The following TRPS1 variants were observed in gnomAD, a reference collection of about 807,000 sequenced individuals.
TRPS1 encodes zinc finger transcription factor Trps1.
Under a neutral mutation model 101.2 loss-of-function variants are expected in TRPS1, and 6 were observed. The observed-to-expected ratio is 0.06, with a 90% confidence interval of 0.03 to 0.12. The LOEUF (loss-of-function observed/expected upper bound fraction) is 0.12. TRPS1 is among the 10% of genes least tolerant of loss of function. TRPS1 has a pLI of 1.00. For missense variants in TRPS1, 1,363 were observed against 1,567.0 expected (o/e 0.87, Z 2.20); for synonymous variants, 578 against 589.8 (o/e 0.98, Z 0.29).
chr8:115,424,405 G>A (rs965845072), intron 5 of TRPS1, among the ~76,000 whole-genome samples: 18 of 152,190 alleles, frequency 1.2e-4, no homozygotes, highest in Admixed American at 2.0e-4. Context: ...ATTAAGTTCT[G>A]GGAGTAATTA....
chr8:115,544,150 G>T (rs1008220837), intron 5 of TRPS1, among the ~76,000 whole-genome samples: 5 of 149,682 alleles, frequency 3.3e-5, no homozygotes, highest in Non-Finnish European at 7.4e-5. Context: ...GGAAGCAGAA[G>T]AAACAAGCGG....
At chr8:115,627,563 G>A (rs1382295221) in intron 1 of TRPS1, among the ~76,000 whole-genome samples, 1 of 151,744 alleles carries the variant, frequency 6.6e-6, no homozygotes, top group Admixed American at 6.6e-5. Flanking sequence ...GATGTGAATT[G>A]ACATTTTATT....
At chr8:115,470,053 A>G (rs1814428373) in intron 5 of TRPS1, among the ~76,000 whole-genome samples, 2 of 152,168 alleles carry the variant, frequency 1.3e-5, no homozygotes, top group Admixed American at 1.3e-4. Flanking sequence ...GTTTTAAAGG[A>G]CAATGTCTTT....
chr8:115,434,113 C>CT (rs5894262), intron 5 of TRPS1, among the ~76,000 whole-genome samples: 152,265 of 152,266 alleles, frequency 1, 76,132 homozygotes, highest in Middle Eastern at 1. Flanking sequence ...TCCATTCAGA[C>CT]TACCTTGGTG....
At chr8:115,444,446 T>C (rs746961056) in intron 5 of TRPS1, among the ~76,000 whole-genome samples, 2 of 152,268 alleles carry the variant, frequency 1.3e-5, no homozygotes, top group African/African-American at 2.4e-5. Flanking sequence ...CCTATCCATC[T>C]TTTTAGGTCC....
At chr8:115,533,447 T>TGTTTTTTTTG (rs1554583408) in intron 5 of TRPS1, among the ~76,000 whole-genome samples, 2 of 131,444 alleles carry the variant, frequency 1.5e-5, no homozygotes, top group African/African-American at 6.2e-5. Context: ...TTTTTTTTTT[T>TGTTTTTTTTG]TTTTTTTTTT....
chr8:115,484,706 T>A (rs1321282308), intron 5 of TRPS1, among the ~76,000 whole-genome samples: 2 of 152,208 alleles, frequency 1.3e-5, no homozygotes, highest in African/African-American at 4.8e-5. Context: ...TTTCAAAATC[T>A]GACAGTAGGG....
intron 5 of TRPS1, among the ~76,000 whole-genome samples, chr8:115,538,066 T>C (rs1350126958): frequency 6.6e-6 from 1 of 152,234 alleles, no homozygotes; most frequent in Non-Finnish European, 1.5e-5. Context: ...TGCTGATAAT[T>C]ATCACTTGTG....
At chr8:115,628,166 C>T (rs1818551989) in intron 1 of TRPS1, among the ~76,000 whole-genome samples, 1 of 151,734 alleles carries the variant, frequency 6.6e-6, no homozygotes, top group Non-Finnish European at 1.5e-5. Flanking sequence ...TAGGAAACAA[C>T]TCACAAAGCA....
chr8:115,647,194 T>C (rs1325445850), intron 1 of TRPS1, among the ~76,000 whole-genome samples: 1 of 152,150 alleles, frequency 6.6e-6, no homozygotes, highest in Non-Finnish European at 1.5e-5. Context: ...AGCTCAGTCA[T>C]TGCAAAATAT....
At chr8:115,453,257 G>T (rs1269310043) in intron 5 of TRPS1, among the ~76,000 whole-genome samples, 3 of 152,096 alleles carry the variant, frequency 2.0e-5, no homozygotes, top group Non-Finnish European at 4.4e-5. Flanking sequence ...CTGACCTTGT[G>T]ATCTGCCCTC....
At chr8:115,638,415 T>C (rs539068614) in intron 1 of TRPS1, among the ~76,000 whole-genome samples, 131 of 152,162 alleles carry the variant, frequency 8.6e-4, no homozygotes, top group African/African-American at 2.9e-3. Context: ...ATGAATAAAA[T>C]AGGTTGATTT....
At chr8:115,612,851 A>G (rs1818200929) in intron 3 of TRPS1, among the ~76,000 whole-genome samples, 1 of 152,200 alleles carries the variant, frequency 6.6e-6, no homozygotes, top group South Asian at 2.1e-4. Context: ...CAGCACACTC[A>G]AATTGGACAC....
At chr8:115,494,044 G>A (rs1212173435) in intron 5 of TRPS1, among the ~76,000 whole-genome samples, 1 of 152,162 alleles carries the variant, frequency 6.6e-6, no homozygotes, top group Non-Finnish European at 1.5e-5. Context: ...CTCCTGCTGG[G>A]ACATCTCATT....
At chr8:115,513,917 A>G (rs1815646060) in intron 5 of TRPS1, among the ~76,000 whole-genome samples, 1 of 151,690 alleles carries the variant, frequency 6.6e-6, no homozygotes. Flanking sequence ...ACATAATTAT[A>G]GCTAGAGAGT....
At chr8:115,483,198 T>G (rs1814798083) in intron 5 of TRPS1, among the ~76,000 whole-genome samples, 1 of 152,122 alleles carries the variant, frequency 6.6e-6, no homozygotes, top group Admixed American at 6.6e-5. Context: ...GTGATTAGAA[T>G]GTTCTAGGCA....
rs909281702 is a variant in TRPS1, at chr8:115,520,015, G to A, written c.2700+66986C>T. Among the ~76,000 whole-genome samples, 9 of 151,542 alleles carry A rather than the reference G, an allele frequency of 5.9e-5. No homozygotes were observed. In the South Asian group the frequency reaches 1.7e-3, roughly 28 times the overall value. ...CTAAAATATTCAATTCAGCAAAGAC[G>A]GAAATAAGCATCTAGATTCTAAACA... On this transcript the variant is annotated intron_variant, in intron 5 of 6. Transcript: ENST00000395715.
intron 5 of TRPS1, among the ~76,000 whole-genome samples, chr8:115,500,772 C>G (rs1815297802): frequency 6.6e-6 from 1 of 151,826 alleles, no homozygotes; most frequent in Non-Finnish European, 1.5e-5. Context: ...GACAGGGTTT[C>G]ACCGTGTTAG....
In TRPS1 at chr8:115,572,990, A is replaced by C. The variant is rs187181446; in HGVS notation, c.2700+14011T>G. 1.2e-3 allele frequency among the ~76,000 whole-genome samples: 176 copies of C among 152,016 alleles called. 2 individuals carry two copies. The highest frequency in any genetic ancestry group is 4.1e-3 in the African/African-American group (171 of 41,472). ...CTCTACTAAAAATACAAAATTAGCC[A>C]GGCGTGGTGGCGCATCCCAGCTACT... On this transcript the variant is annotated intron_variant, in intron 5 of 6. Coordinates refer to ENST00000395715, the MANE Select transcript of TRPS1 (RefSeq NM_014112.5).
Sources: allele counts gnomAD v4.1 joint callset (sites outside exome capture counted in the v4.1 genomes callset), GRCh38; gene constraint gnomAD v4.1.1; transcripts MANE v1.5; gene names NCBI Gene and HGNC (gene_info 2026-07-23, HGNC 2026-07-21).